The following ARHGAP15 variants were observed in gnomAD, a reference collection of about 807,000 sequenced individuals.
ARHGAP15 encodes rho GTPase-activating protein 15.
ARHGAP15 carries 51 observed loss-of-function variants against 63.7 expected under a neutral mutation model. The observed-to-expected ratio is 0.80, with a 90% CI of 0.64 to 1.01. ARHGAP15 has a LOEUF of 1.01. Ranked by LOEUF, ARHGAP15 falls within the 50% of genes least tolerant of loss-of-function variation. The pLI is 0.00. For synonymous variants in ARHGAP15, 191 were observed against 193.8 expected (o/e 0.99, Z 0.12); for missense variants, 560 against 564.6 (o/e 0.99, Z 0.08).
At chr2:143,747,115 C>T (rs1686198008) in intron 13 of ARHGAP15, among the ~76,000 whole-genome samples, 1 of 151,874 alleles carries the variant, frequency 6.6e-6, no homozygotes, top group Admixed American at 6.6e-5. Flanking sequence ...AGCATTAGGA[C>T]AAATACCTAA....
chr2:143,661,544 T>G (rs966519067), intron 12 of ARHGAP15, among the ~76,000 whole-genome samples: 6 of 152,262 alleles, frequency 3.9e-5, no homozygotes, highest in African/African-American at 1.4e-4. Context: ...AAATGATGAC[T>G]CCTTGAAAAT....
chr2:143,200,764 T>A (rs1574082401), intron 2 of ARHGAP15, among the ~76,000 whole-genome samples: 1 of 152,148 alleles, frequency 6.6e-6, no homozygotes, highest in East Asian at 1.9e-4. Flanking sequence ...TTTAATTTGT[T>A]CTAAAAGTAC....
chr2:143,602,614 A>C (rs1697818511), intron 11 of ARHGAP15, among the ~76,000 whole-genome samples: 1 of 152,058 alleles, frequency 6.6e-6, no homozygotes, highest in Non-Finnish European at 1.5e-5. Flanking sequence ...CATGCTTTGG[A>C]GATAAGACAG....
chr2:143,267,589 G>C (rs1268322749), intron 6 of ARHGAP15, among the ~76,000 whole-genome samples: 2 of 152,118 alleles, frequency 1.3e-5, no homozygotes, highest in Admixed American at 1.3e-4. Context: ...GGTAAGGGTT[G>C]AAAAGTATTT....
Position 143,435,770 on chromosome 2 carries a change from A to G in ARHGAP15, c.573+71A>G, listed in dbSNP as rs375657454. The G allele has an allele frequency of 6.2e-4, 886 of 1,419,816 alleles. 9 individuals are homozygous for G. The South Asian group carries it at 9.9e-3, about 16-fold the overall frequency. The allele number at this position is 1,419,816 out of a possible 1,614,324, so 88.0% of individuals were successfully genotyped here. A position where few individuals can be genotyped will look rare whatever the true frequency, so the allele number is the denominator to read the frequency against. ...CATTTAAATCTTATTGCTCAGGCAT[A>G]TAACACACACACTCATTTAAATAGA... On this transcript the variant is annotated intron_variant, in intron 7 of 13. Transcript: ENST00000295095.
chr2:143,724,326 C>T (rs771274575), intron 13 of ARHGAP15, among the ~76,000 whole-genome samples: 17 of 152,176 alleles, frequency 1.1e-4, no homozygotes, highest in Admixed American at 1.0e-3. Flanking sequence ...TACCTAATAC[C>T]TCAAAGGACT....
intron 13 of ARHGAP15, among the ~76,000 whole-genome samples, chr2:143,717,089 A>G (rs1559142018): frequency 6.6e-6 from 1 of 152,244 alleles, no homozygotes; most frequent in Non-Finnish European, 1.5e-5. Context: ...ATGCCTGCAT[A>G]TATACACTTA....
At chr2:143,464,422 G>A (rs1691107039) in intron 8 of ARHGAP15, among the ~76,000 whole-genome samples, 3 of 152,026 alleles carry the variant, frequency 2.0e-5, no homozygotes, top group African/African-American at 7.2e-5. Context: ...TTACATTAGC[G>A]ATTTAAGACA....
At chr2:143,571,255 G>A (rs902268673) in intron 11 of ARHGAP15, among the ~76,000 whole-genome samples, 1 of 152,170 alleles carries the variant, frequency 6.6e-6, no homozygotes, top group East Asian at 1.9e-4. Flanking sequence ...TACAATAAAT[G>A]TAATGTGCTT....
chr2:143,537,593 A>G (rs574837922), intron 10 of ARHGAP15, among the ~76,000 whole-genome samples: 4 of 152,380 alleles, frequency 2.6e-5, no homozygotes, highest in South Asian at 2.1e-4. Flanking sequence ...AGCTTCCTAC[A>G]TATGGCTAGC....
intron 10 of ARHGAP15, among the ~76,000 whole-genome samples, chr2:143,552,163 T>C (rs549683017): frequency 1.3e-5 from 2 of 152,286 alleles, no homozygotes; most frequent in East Asian, 3.9e-4. Context: ...GAGGGACTGT[T>C]TGTGCAAAAT....
intron 6 of ARHGAP15, among the ~76,000 whole-genome samples, chr2:143,395,160 T>C (rs1381489801): frequency 6.6e-6 from 1 of 152,132 alleles, no homozygotes; most frequent in Non-Finnish European, 1.5e-5. Context: ...GAGCTTAAAA[T>C]TTATTGAGGA....
intron 10 of ARHGAP15, among the ~76,000 whole-genome samples, chr2:143,524,305 T>A (rs1694176871): frequency 6.6e-6 from 1 of 152,096 alleles, no homozygotes; most frequent in Admixed American, 6.6e-5. Flanking sequence ...TAAAATTCCC[T>A]CATTGCTTGT....
chr2:143,691,437 C>A (rs1049667760), intron 12 of ARHGAP15, among the ~76,000 whole-genome samples: 3 of 152,240 alleles, frequency 2.0e-5, no homozygotes, highest in Admixed American at 2.0e-4. Context: ...CTGCCTGCAC[C>A]CTACTGTAGC....
At chr2:143,629,963 A>G (rs1252992340) in intron 12 of ARHGAP15, among the ~76,000 whole-genome samples, 1 of 152,138 alleles carries the variant, frequency 6.6e-6, no homozygotes, top group Non-Finnish European at 1.5e-5. Context: ...ACAAATATAA[A>G]TACTTTGTAT....
intron 6 of ARHGAP15, among the ~76,000 whole-genome samples, chr2:143,336,598 G>T (rs900307489): frequency 1.3e-5 from 2 of 152,120 alleles, no homozygotes; most frequent in East Asian, 1.9e-4. Context: ...GATAAAGCAG[G>T]CATGGCTGTG....
chr2:143,669,311 T>TATTAC (rs1460522684), intron 12 of ARHGAP15, among the ~76,000 whole-genome samples: 2 of 152,220 alleles, frequency 1.3e-5, no homozygotes, highest in Non-Finnish European at 2.9e-5. Context: ...CACTGTACTA[T>TATTAC]ATTACCTCTC....
chr2:143,260,567 AAGTC>A (rs1208946188), intron 6 of ARHGAP15, among the ~76,000 whole-genome samples: 1 of 152,260 alleles, frequency 6.6e-6, no homozygotes, highest in East Asian at 1.9e-4. Context: ...GATTTAGTAA[AAGTC>A]AGATAACAAA....
intron 11 of ARHGAP15, among the ~76,000 whole-genome samples, chr2:143,601,911 T>C (rs936039714): frequency 6.6e-6 from 1 of 152,212 alleles, no homozygotes; most frequent in Admixed American, 6.5e-5. Context: ...ACAAGATATA[T>C]ATTTCAAGGT....
Sources: allele counts gnomAD v4.1 joint callset (sites outside exome capture counted in the v4.1 genomes callset), GRCh38; gene constraint gnomAD v4.1.1; transcripts MANE v1.5; gene names NCBI Gene and HGNC (gene_info 2026-07-23, HGNC 2026-07-21).